CFAP74: variants seen among roughly 807,000 people sequenced by gnomAD.
CFAP74 encodes cilia- and flagella-associated protein 74.
In CFAP74, 124 loss-of-function variants were observed where a neutral mutation model predicts 188.9. The ratio of observed to expected loss-of-function variants is 0.66; its 90% CI spans 0.57 to 0.76. The LOEUF (loss-of-function observed/expected upper bound fraction) is 0.76, where lower values mean the gene tolerates loss of function less well. CFAP74 is among the 30% of genes least tolerant of loss of function. The probability of loss-of-function intolerance (pLI) is 0.00; values close to 1 mark genes in which losing one functional copy is unlikely to be tolerated. For missense variants in CFAP74, 2,198 were observed against 2,165.2 expected (o/e 1.02, Z -0.30); for synonymous variants, 956 against 916.7 (o/e 1.04, Z -0.77).
rs116963529 is a variant in CFAP74, at chr1:1,946,139, C to T, written c.2364+178G>A. ...ATGCCTGCCTGTGTATGCCAGTGTG[C>T]GTGTGTGCACACTCGTGTGCGTGCG... On this transcript the variant is annotated intron_variant, in intron 20 of 38. Coordinates refer to ENST00000682832, the MANE Select transcript of CFAP74 (RefSeq NM_001304360.2). 7.4e-4 allele frequency among the ~76,000 whole-genome samples: 112 copies of T among 152,310 alleles called. 2 individuals are homozygous for T. The East Asian group carries it at 0.015, about 20-fold the overall frequency.
intron 16 of CFAP74, among the ~76,000 whole-genome samples, chr1:1,957,948 T>C (rs1415838896): frequency 6.6e-6 from 1 of 152,202 alleles, no homozygotes; most frequent in Non-Finnish European, 1.5e-5. Flanking sequence ...GGTCCCTGCA[T>C]GAACCCAAGC....
chr1:1,987,236 C>A (rs1282390564), intron 4 of CFAP74, among the ~76,000 whole-genome samples: 5 of 152,252 alleles, frequency 3.3e-5, no homozygotes, highest in African/African-American at 1.2e-4. Flanking sequence ...CCAGGGGCAG[C>A]TGTGTGGCCC....
intron 18 of CFAP74, chr1:1,954,384 G>A (rs1011326392): frequency 1.3e-5 from 2 of 152,198 alleles, no homozygotes; most frequent in African/African-American, 4.8e-5. Context: ...ATTTAATTTG[G>A]ATCAATTTAA....
intron 10 of CFAP74, 29 bp downstream of exon 10, chr1:1,970,630 C>G (rs368218075): frequency 2.2e-4 from 344 of 1,581,956 alleles, no homozygotes; most frequent in Non-Finnish European, 2.9e-4. Flanking sequence ...GCGGGTGCCT[C>G]CCGGTGGCAC....
chr1:1,930,915 G>A (rs1232976284), intron 25 of CFAP74, among the ~76,000 whole-genome samples: 1 of 152,114 alleles, frequency 6.6e-6, no homozygotes, highest in African/African-American at 2.4e-5. Flanking sequence ...CCGGGACCTG[G>A]TTATTTTAAC....
At chr1:1,992,822 T>C (rs889761560) in intron 1 of CFAP74, among the ~76,000 whole-genome samples, 1 of 152,116 alleles carries the variant, frequency 6.6e-6, no homozygotes, top group Non-Finnish European at 1.5e-5. Flanking sequence ...ACTTTGCTTA[T>C]CATTTTGGGA....
chr1:1,922,163 C>T lies in CFAP74; in HGVS notation c.*124G>A, dbSNP rs545962434. The T allele has an allele frequency of 7.8e-4, 460 of 591,954 alleles. No individual in the cohort carries two copies. The highest frequency in any genetic ancestry group is 1.2e-3 in the Non-Finnish European group (426 of 363,080). The allele number at this position is 591,954 out of a possible 1,614,324, so 36.7% of individuals were successfully genotyped here. On this transcript the variant is annotated 3_prime_UTR_variant, in exon 39 of 39. Coordinates refer to ENST00000682832, the MANE Select transcript of CFAP74 (RefSeq NM_001304360.2). Reference sequence around the variant, plus strand: ...AGTGGCCGTGGCGCCATGTGGAGGGCGGCCTATTGGAATCTGGCAGAGGAT... The same window carrying T: ...AGTGGCCGTGGCGCCATGTGGAGGGTGGCCTATTGGAATCTGGCAGAGGAT...
intron 2 of CFAP74, among the ~76,000 whole-genome samples, chr1:1,990,454 C>T (rs1280758740): frequency 2.7e-5 from 1 of 36,392 alleles, no homozygotes; most frequent in Non-Finnish European, 5.0e-5. Context: ...GAACCCAAAA[C>T]GGGGTGGGGA....
At chr1:1,949,139 C>T (rs1654045451) in intron 18 of CFAP74, among the ~76,000 whole-genome samples, 5 of 94,678 alleles carry the variant, frequency 5.3e-5, no homozygotes, top group South Asian at 4.3e-4. Flanking sequence ...CTCCCTCCCT[C>T]CCTCCCTTCC....
chr1:1,929,113 C>T (rs949205890), intron 26 of CFAP74, among the ~76,000 whole-genome samples: 2 of 151,690 alleles, frequency 1.3e-5, no homozygotes, highest in African/African-American at 4.8e-5. Context: ...GGGGGCAGTC[C>T]TGTGATTGGA....
In CFAP74 at chr1:1,930,356, A is replaced by AGGCC. The variant is rs1652273511; in HGVS notation, c.3012-24_3012-21dup. 2.7e-6 allele frequency: 4 copies of AGGCC among 1,507,104 alleles called. No individual in the cohort carries two copies. Among genetic ancestry groups the AGGCC allele is most frequent in the African/African-American group, 1.4e-5 (1 of 72,820 alleles). 93.4% of individuals were successfully genotyped at this position (1,507,104 alleles called of 1,614,324 possible). On this transcript the variant is annotated intron_variant, in intron 25 of 38. Transcript: ENST00000682832. ...AAGCACCTGCAAGCAGCAGCATGGG[A>AGGCC]GGCCCTCAGCCGTGCAGGGCGTCCG...
intron 6 of CFAP74, among the ~76,000 whole-genome samples, chr1:1,982,415 C>T (rs922356825): frequency 7.3e-6 from 1 of 137,930 alleles, no homozygotes; most frequent in Non-Finnish European, 1.6e-5. Flanking sequence ...CAGGACACCC[C>T]GCCAGGGACA....
chr1:1,991,771 G>C (rs1047242061), intron 1 of CFAP74, among the ~76,000 whole-genome samples: 8 of 152,156 alleles, frequency 5.3e-5, no homozygotes, highest in African/African-American at 1.9e-4. Context: ...TGGGCGTGGT[G>C]GCTCACACCT....
At chr1:1,948,152 T>C (rs951513373) in intron 18 of CFAP74, among the ~76,000 whole-genome samples, 1 of 152,124 alleles carries the variant, frequency 6.6e-6, no homozygotes, top group Non-Finnish European at 1.5e-5. Context: ...ATTACAGGCG[T>C]GAGCCACTGT....
chr1:1,960,140 G>T, intron 14 of CFAP74, 110 bp from the exon 15 acceptor site: 1 of 915,974 alleles, frequency 1.1e-6, no homozygotes, highest in Non-Finnish European at 1.7e-6. Context: ...TCCCCATCCC[G>T]GGCCTGGCCC....
chr1:1,965,479 C>T (rs150900951), intron 12 of CFAP74, among the ~76,000 whole-genome samples: 1 of 152,318 alleles, frequency 6.6e-6, no homozygotes, highest in African/African-American at 2.4e-5. Context: ...TGGGCTTTCT[C>T]AGATGAAAAG....
Position 1,939,591 on chromosome 1 carries a change from T to C in CFAP74, c.2877+3A>G. On this transcript the variant is annotated splice_donor_region_variant and intron_variant, in intron 24 of 38. Coordinates refer to ENST00000682832, the MANE Select transcript of CFAP74 (RefSeq NM_001304360.2). ...TTACCCCAGGCCTGGCTGCAGGAGG[T>C]ACCTTGGGAAGCCTGACGAACCCGA... 1 of 1,534,686 alleles carries C rather than the reference T, an allele frequency of 6.5e-7. No homozygotes were observed. The highest frequency in any genetic ancestry group is 8.7e-7 in the Non-Finnish European group (1 of 1,145,814).
At chr1:1,994,362 A>G (rs1657801310) in intron 1 of CFAP74, among the ~76,000 whole-genome samples, 1 of 152,208 alleles carries the variant, frequency 6.6e-6, no homozygotes, top group African/African-American at 2.4e-5. Flanking sequence ...TTCATTGCTT[A>G]ACTTAGCAAT....
chr1:1,927,900 A>G (rs978398514), intron 27 of CFAP74, 154 bp from the exon 28 acceptor site: 30 of 772,462 alleles, frequency 3.9e-5, no homozygotes, highest in Admixed American at 5.5e-5. Context: ...CGAGGAAGAC[A>G]GTAGCCAGTG....
Sources: allele counts gnomAD v4.1 joint callset (sites outside exome capture counted in the v4.1 genomes callset), GRCh38; gene constraint gnomAD v4.1.1; transcripts MANE v1.5; gene names NCBI Gene and HGNC (gene_info 2026-07-23, HGNC 2026-07-21).